The following OR9Q1 variants were observed in gnomAD, a reference collection of about 807,000 sequenced individuals.
The protein encoded by OR9Q1 is olfactory receptor 9Q1.
For missense variants in OR9Q1, 374 were observed against 378.8 expected (o/e 0.99, Z 0.11); for synonymous variants, 153 against 148.6 (o/e 1.03, Z -0.22).
chr11:58,149,910 G>A (rs1019972153), intron 2 of OR9Q1, among the ~76,000 whole-genome samples: 2 of 152,176 alleles, frequency 1.3e-5, no homozygotes, highest in African/African-American at 4.8e-5. Flanking sequence ...TGTGAATGCT[G>A]TTGCTATAAA....
At chr11:58,140,918 A>T (rs1406416564) in intron 2 of OR9Q1, among the ~76,000 whole-genome samples, 2 of 152,204 alleles carry the variant, frequency 1.3e-5, no homozygotes, top group Non-Finnish European at 2.9e-5. Context: ...CTTACCCATG[A>T]GCATGGAATG....
intron 1 of OR9Q1, among the ~76,000 whole-genome samples, chr11:58,039,513 T>G (rs1401106545): frequency 6.6e-6 from 1 of 152,182 alleles, no homozygotes; most frequent in Non-Finnish European, 1.5e-5. Context: ...CAGGAGCACT[T>G]TCATTTAATC....
chr11:58,094,530 T>C (rs1253291857), intron 2 of OR9Q1, among the ~76,000 whole-genome samples: 1 of 152,188 alleles, frequency 6.6e-6, no homozygotes, highest in Non-Finnish European at 1.5e-5. Flanking sequence ...TAATGTCAGA[T>C]ATTTTATCTC....
chr11:58,118,979 C>T, intron 2 of OR9Q1: 7 of 1,613,888 alleles, frequency 4.3e-6, no homozygotes, highest in Non-Finnish European at 5.9e-6. Flanking sequence ...CGCAGGATGG[C>T]TCCTGACACC....
intron 1 of OR9Q1, among the ~76,000 whole-genome samples, chr11:58,045,645 A>G (rs1308654638): frequency 2.0e-5 from 3 of 152,204 alleles, no homozygotes; most frequent in Non-Finnish European, 4.4e-5. Flanking sequence ...GTGAGCTGGG[A>G]TCATATTCCG....
At chr11:58,066,380 C>T (rs1357798940) in intron 2 of OR9Q1, among the ~76,000 whole-genome samples, 1 of 152,100 alleles carries the variant, frequency 6.6e-6, no homozygotes, top group East Asian at 1.9e-4. Flanking sequence ...TGTGGATTGT[C>T]CTTCTCTGTG....
At chr11:58,087,949 T>C (rs990237585) in intron 2 of OR9Q1, among the ~76,000 whole-genome samples, 1 of 151,830 alleles carries the variant, frequency 6.6e-6, no homozygotes, top group Non-Finnish European at 1.5e-5. Flanking sequence ...AGTGTAGTGG[T>C]GTGATCTCGT....
At chr11:58,092,175 G>T (rs1357866543) in intron 2 of OR9Q1, among the ~76,000 whole-genome samples, 1 of 152,052 alleles carries the variant, frequency 6.6e-6, no homozygotes, top group Non-Finnish European at 1.5e-5. Flanking sequence ...GTGTGAATTT[G>T]ACCCTGTCAT....
intron 1 of OR9Q1, among the ~76,000 whole-genome samples, chr11:58,055,010 A>G (rs1024877193): frequency 6.6e-6 from 1 of 152,198 alleles, no homozygotes; most frequent in Non-Finnish European, 1.5e-5. Context: ...GAAAATTCAT[A>G]AGAACTAGAG....
chr11:58,108,994 C>T (rs1386208115), intron 2 of OR9Q1: 2 of 413,420 alleles, frequency 4.8e-6, no homozygotes, highest in Non-Finnish European at 9.8e-6. Flanking sequence ...CAAAATGGCT[C>T]TGATAATGAG....
At chr11:58,058,188 C>T (rs1853345415) in intron 2 of OR9Q1, among the ~76,000 whole-genome samples, 1 of 152,214 alleles carries the variant, frequency 6.6e-6, no homozygotes, top group South Asian at 2.1e-4. Context: ...TGGTCCCTCT[C>T]TCTCAGAGCA....
chr11:58,101,107 C>A (rs1490745121), intron 2 of OR9Q1, among the ~76,000 whole-genome samples: 2 of 151,712 alleles, frequency 1.3e-5, no homozygotes, highest in Admixed American at 6.6e-5. Context: ...TTTGATAACA[C>A]AATAGAATGA....
At chr11:58,082,771 A>AAT (rs999420980) in intron 2 of OR9Q1, among the ~76,000 whole-genome samples, 195 of 83,658 alleles carry the variant, frequency 2.3e-3, no homozygotes, top group Middle Eastern at 0.015. Context: ...TAATAATAAT[A>AAT]AAAAGTTAGG....
intron 1 of OR9Q1, among the ~76,000 whole-genome samples, chr11:58,032,211 C>T (rs1299313688): frequency 6.6e-6 from 1 of 152,016 alleles, no homozygotes; most frequent in Non-Finnish European, 1.5e-5. Context: ...CAATGCTATT[C>T]CTATCAAACT....
rs71061582 is a variant in OR9Q1 at position 58,179,012 on chromosome 11, A to AAGAGAGAGAGAGAGAGAGAGAG, written c.-14-415_-14-394dup. 8.1e-3 allele frequency among the ~76,000 whole-genome samples: 1,067 copies of AAGAGAGAGAGAGAGAGAGAGAG among 132,406 alleles called. 18 individuals carry two copies. The highest frequency in any genetic ancestry group is 0.035 in the Admixed American group (427 of 12,126). The allele number at this position is 132,406 out of a possible 152,430, so 86.9% of individuals were successfully genotyped here. A position where few individuals can be genotyped will look rare whatever the true frequency, so the allele number is the denominator to read the frequency against. ...ATAGAGAGAGAGAGAGAAAGAAAGA[A>AAGAGAGAGAGAGAGAGAGAGAG]AGAGAGAGAGAGAGAGAGAGAGAGA... On this transcript the variant is annotated intron_variant, in intron 2 of 2. Coordinates refer to ENST00000335397, the MANE Select transcript of OR9Q1 (RefSeq NM_001005212.4).
chr11:58,135,144 G>C (rs974521889), intron 2 of OR9Q1, among the ~76,000 whole-genome samples: 1 of 152,152 alleles, frequency 6.6e-6, no homozygotes, highest in South Asian at 2.1e-4. Flanking sequence ...TGCTGTGATA[G>C]AGCTTCAAAG....
At chr11:58,087,345 C>T (rs1479419980) in intron 2 of OR9Q1, among the ~76,000 whole-genome samples, 1 of 151,622 alleles carries the variant, frequency 6.6e-6, no homozygotes, top group African/African-American at 2.4e-5. Context: ...AGTTTACTTG[C>T]TTTTTTTCCT....
chr11:58,106,025 T>A (rs1436538746), intron 2 of OR9Q1, among the ~76,000 whole-genome samples: 1 of 152,124 alleles, frequency 6.6e-6, no homozygotes, highest in Non-Finnish European at 1.5e-5. Context: ...ATTTTTAATT[T>A]TTTGAGGAAA....
intron 2 of OR9Q1, among the ~76,000 whole-genome samples, chr11:58,128,648 T>A (rs1346002180): frequency 2.0e-5 from 3 of 152,084 alleles, no homozygotes; most frequent in South Asian, 2.1e-4. Context: ...TAAAAAAAAA[T>A]TTTTGTGGAA....
Sources: gnomAD v4.1 joint callset for allele counts (sites outside exome capture counted in the v4.1 genomes callset) on GRCh38, gnomAD v4.1.1 for gene constraint, MANE v1.5 for transcripts, NCBI Gene and HGNC (gene_info 2026-07-23, HGNC 2026-07-21) for gene names.